Variants in CBLB observed in about 807,000 individuals in gnomAD.
The protein encoded by CBLB is Cbl proto-oncogene B, also known as E3 ubiquitin-protein ligase CBL-B.
CBLB carries 31 observed loss-of-function variants against 104.9 expected under a neutral mutation model. That is an observed-to-expected ratio of 0.30 (90% CI 0.22 to 0.40). The LOEUF is 0.40. Ranked by LOEUF, CBLB falls within the 10% of genes least tolerant of loss-of-function variation. The probability of loss-of-function intolerance (pLI) is 1.00; values close to 1 mark genes in which losing one functional copy is unlikely to be tolerated. For synonymous variants in CBLB, 440 were observed against 422.6 expected (o/e 1.04, Z -0.51); for missense variants, 1,062 against 1,214.6 (o/e 0.87, Z 1.87).
At chr3:105,869,434 C>G (rs1403690753), upstream of CBLB, 1 of 1,321,132 alleles carries the variant, frequency 7.6e-7, no homozygotes, top group South Asian at 1.3e-5. Flanking sequence ...CCTTCCTAGT[C>G]TTTTGTTTCA....
intron 3 of CBLB, among the ~76,000 whole-genome samples, chr3:105,852,551 T>C (rs555617186): frequency 6.6e-6 from 1 of 152,308 alleles, no homozygotes; most frequent in East Asian, 1.9e-4. Flanking sequence ...AGGCTGTTCA[T>C]ATTGGAAAAG....
chr3:105,768,188 T>C (rs1269552431), intron 4 of CBLB, among the ~76,000 whole-genome samples: 1 of 152,182 alleles, frequency 6.6e-6, no homozygotes, highest in African/African-American at 2.4e-5. Context: ...ATAAAAATAG[T>C]AAATGCAGAA....
intron 3 of CBLB, among the ~76,000 whole-genome samples, chr3:105,833,463 A>C (rs2087895885): frequency 6.6e-6 from 1 of 152,210 alleles, no homozygotes; most frequent in Admixed American, 6.5e-5. Context: ...GTAAAACAAA[A>C]ACTAGGAACT....
intron 3 of CBLB, among the ~76,000 whole-genome samples, chr3:105,847,107 C>G (rs2090352168): frequency 6.6e-6 from 1 of 151,912 alleles, no homozygotes; most frequent in Non-Finnish European, 1.5e-5. Flanking sequence ...AACTTTTAAC[C>G]ATGTATCTTC....
chr3:105,720,756 A>G (rs1320929468), intron 9 of CBLB, among the ~76,000 whole-genome samples: 1 of 152,226 alleles, frequency 6.6e-6, no homozygotes, highest in Non-Finnish European at 1.5e-5. Flanking sequence ...TAAAATCTTT[A>G]TACACAATTA....
intron 3 of CBLB, among the ~76,000 whole-genome samples, chr3:105,787,260 T>C (rs1042427879): frequency 2.6e-5 from 4 of 152,160 alleles, no homozygotes; most frequent in Admixed American, 2.6e-4. Flanking sequence ...TGAGTGGTGG[T>C]GACAGGACCT....
chr3:105,868,438 T>G, intron 1 of CBLB: 1 of 375,566 alleles, frequency 2.7e-6, no homozygotes, highest in Non-Finnish European at 4.7e-6. Flanking sequence ...GTCCCTCCCG[T>G]GCCCGCAGCA....
intron 3 of CBLB, among the ~76,000 whole-genome samples, chr3:105,844,880 C>T (rs902148405): frequency 3.3e-5 from 5 of 152,122 alleles, no homozygotes; most frequent in Non-Finnish European, 7.4e-5. Context: ...TATAAACAAA[C>T]TTTAATTTAG....
At chr3:105,822,747 A>G (rs1035638831) in intron 3 of CBLB, among the ~76,000 whole-genome samples, 2 of 152,230 alleles carry the variant, frequency 1.3e-5, no homozygotes, top group Non-Finnish European at 2.9e-5. Flanking sequence ...TAATTAATGA[A>G]CATATATTAC....
intron 6 of CBLB, among the ~76,000 whole-genome samples, chr3:105,743,422 T>C (rs1483846548): frequency 6.7e-6 from 1 of 148,486 alleles, no homozygotes; most frequent in African/African-American, 2.5e-5. Context: ...ATAGTACCAC[T>C]GCACTCCTGC....
chr3:105,779,058 C>A (rs1440173419), intron 3 of CBLB, among the ~76,000 whole-genome samples: 2 of 152,124 alleles, frequency 1.3e-5, no homozygotes, highest in Non-Finnish European at 2.9e-5. Context: ...AAAGAAAAAT[C>A]AAAATGGCTA....
At chr3:105,732,991 T>G (rs973343715) in intron 9 of CBLB, among the ~76,000 whole-genome samples, 2 of 152,194 alleles carry the variant, frequency 1.3e-5, no homozygotes, top group African/African-American at 4.8e-5. Context: ...AAATATTCCA[T>G]GACTCCTCCA....
chr3:105,861,740 AATG>A (rs2092114968), intron 2 of CBLB, among the ~76,000 whole-genome samples: 1 of 150,950 alleles, frequency 6.6e-6, no homozygotes, highest in Non-Finnish European at 1.5e-5. Context: ...GAGTTATTTC[AATG>A]ATGTTCAAAT....
chr3:105,702,117 C>T lies in CBLB; in HGVS notation c.1936G>A (p.Asp646Asn), dbSNP rs1438039563. The T allele has an allele frequency of 6.2e-7, 1 of 1,614,048 alleles. No homozygotes were observed. Among genetic ancestry groups the T allele is most frequent in the Non-Finnish European group, 8.5e-7 (1 of 1,180,032 alleles). ...ACCTTAGCTCCTTCTAAAGGCAAAT[C>T]ATGGCGTCTGTGTTTCCGCATAAGC... ...PVLMRKHRRH[D>N]LPLEGAKVFS... is the part of the protein sequence containing the mutation. Residue 646 changes from aspartate to asparagine, a missense_variant, in exon 12 of 19, where the codon GAT becomes AAT. Physicochemically the swap from Asp to Asn is conservative, Grantham distance 23. Coordinates refer to ENST00000394030, the MANE Select transcript of CBLB (RefSeq NM_170662.5).
chr3:105,789,054 G>T (rs1404292431), intron 3 of CBLB, among the ~76,000 whole-genome samples: 1 of 152,064 alleles, frequency 6.6e-6, no homozygotes, highest in African/African-American at 2.4e-5. Flanking sequence ...AAAAACATTC[G>T]GTAAACCCAC....
At chr3:105,675,267 CAG>C (rs1559771825) in intron 17 of CBLB, among the ~76,000 whole-genome samples, 1 of 152,164 alleles carries the variant, frequency 6.6e-6, no homozygotes, top group African/African-American at 2.4e-5. Context: ...AAAATGCTCA[CAG>C]AGTTTGTTTA....
rs562078247 is a variant in CBLB at position 105,723,768 on chromosome 3, T to A, written c.1204-3518A>T. ...TAAGACAGACATACTATATCTTAAATACCTTCTTTTAAATGTTTTTCAAGA... is the reference window on the plus strand; with the variant it reads ...TAAGACAGACATACTATATCTTAAAAACCTTCTTTTAAATGTTTTTCAAGA... On this transcript the variant is annotated intron_variant, in intron 9 of 18. Coordinates refer to ENST00000394030, the MANE Select transcript of CBLB (RefSeq NM_170662.5). 1.9e-3 allele frequency among the ~76,000 whole-genome samples: 288 copies of A among 152,202 alleles called. No homozygotes were observed. The Middle Eastern group carries it at 0.034, about 18-fold the overall frequency.
At chr3:105,686,939 G>T (rs1324080983) in intron 13 of CBLB, among the ~76,000 whole-genome samples, 2 of 152,078 alleles carry the variant, frequency 1.3e-5, no homozygotes, top group Non-Finnish European at 2.9e-5. Flanking sequence ...TTTAACTTTG[G>T]AGGATTTACT....
intron 3 of CBLB, among the ~76,000 whole-genome samples, chr3:105,810,466 G>A (rs1478637836): frequency 6.6e-6 from 1 of 152,046 alleles, no homozygotes; most frequent in Non-Finnish European, 1.5e-5. Context: ...CTATTTTAGT[G>A]AAATTACAAA....
Sources: allele counts gnomAD v4.1 joint callset (sites outside exome capture counted in the v4.1 genomes callset), GRCh38; gene constraint gnomAD v4.1.1; transcripts MANE v1.5; gene names NCBI Gene and HGNC (gene_info 2026-07-23, HGNC 2026-07-21).